WWOX: variants seen among roughly 807,000 people sequenced by gnomAD.
The protein encoded by WWOX is WW domain-containing oxidoreductase.
In WWOX, 69 loss-of-function variants were observed where a neutral mutation model predicts 46.2. The ratio of observed to expected loss-of-function variants is 1.49; its 90% CI spans 1.23 to 1.82. The LOEUF (loss-of-function observed/expected upper bound fraction) is 1.82, where lower values mean the gene tolerates loss of function less well. Among genes scored for constraint, WWOX ranks in the 40% most tolerant of loss-of-function variants. WWOX has a pLI of 0.00. For synonymous variants in WWOX, 359 were observed against 202.6 expected, an observed-to-expected ratio of 1.77 and a Z score of -6.56; for missense variants, 919 against 542.6, an observed-to-expected ratio of 1.69 and a Z score of -6.89.
At chr16:79,035,998 A>C (rs1415271308) in intron 8 of WWOX, among the ~76,000 whole-genome samples, 3 of 151,998 alleles carry the variant, frequency 2.0e-5, no homozygotes, top group Non-Finnish European at 4.4e-5. Context: ...TTGGCTTAAG[A>C]ATCTATCTTT....
chr16:78,724,360 C>T (rs1420901071), intron 8 of WWOX, among the ~76,000 whole-genome samples: 3 of 152,146 alleles, frequency 2.0e-5, no homozygotes, highest in Non-Finnish European at 4.4e-5. Flanking sequence ...TGACCTTTAG[C>T]AACAACTCCT....
At chr16:78,666,559 G>C in intron 8 of WWOX, among the ~76,000 whole-genome samples, 1 of 152,210 alleles carries the variant, frequency 6.6e-6, no homozygotes, top group East Asian at 1.9e-4. Context: ...TTTGATTGGG[G>C]TACTGCCTTA....
At chr16:79,161,967 C>T (rs2050495200) in intron 8 of WWOX, among the ~76,000 whole-genome samples, 1 of 152,242 alleles carries the variant, frequency 6.6e-6, no homozygotes, top group South Asian at 2.1e-4. Flanking sequence ...TCCACCTACA[C>T]AGAGTGTCTC....
At chr16:79,185,616 G>A (rs1337133121) in intron 8 of WWOX, among the ~76,000 whole-genome samples, 1 of 152,142 alleles carries the variant, frequency 6.6e-6, no homozygotes, top group Admixed American at 6.5e-5. Context: ...CACGGCTTGG[G>A]TTGTCAGGAT....
At chr16:78,790,653 C>G (rs1279582308) in intron 8 of WWOX, among the ~76,000 whole-genome samples, 1 of 152,126 alleles carries the variant, frequency 6.6e-6, no homozygotes, top group Non-Finnish European at 1.5e-5. Context: ...ATGCCTTGGA[C>G]ATGAAACACA....
chr16:78,357,052 G>A (rs1402058532), intron 5 of WWOX, among the ~76,000 whole-genome samples: 1 of 152,182 alleles, frequency 6.6e-6, no homozygotes, highest in Non-Finnish European at 1.5e-5. Flanking sequence ...ATACAGGGAT[G>A]GATTTCTAGA....
At position 78,125,062 on chromosome 16, in the gene WWOX, C is replaced by A. The variant is rs112137141; in HGVS notation, c.409+9908C>A. 9.5e-3 allele frequency among the ~76,000 whole-genome samples: 1,453 copies of A among 152,230 alleles called. 25 individuals carry two copies. Among genetic ancestry groups the A allele is most frequent in the African/African-American group, 0.033 (1,377 of 41,536 alleles). ...ACAGAAACTGAAGTTAAAGCTAATACAATGTTTTTCATTTTTACCCTTACC... is the reference window on the plus strand; with the variant it reads ...ACAGAAACTGAAGTTAAAGCTAATAAAATGTTTTTCATTTTTACCCTTACC... On this transcript the variant is annotated intron_variant, in intron 4 of 8. Transcript: ENST00000566780.
intron 8 of WWOX, among the ~76,000 whole-genome samples, chr16:78,531,625 T>C (rs1324819994): frequency 6.6e-6 from 1 of 152,074 alleles, no homozygotes; most frequent in African/African-American, 2.4e-5. Flanking sequence ...GGTGAATCAC[T>C]TGAGGTCAGG....
intron 8 of WWOX, among the ~76,000 whole-genome samples, chr16:78,718,092 G>GTTTTTTTTTTTTTTTT: frequency 5.7e-5 from 8 of 139,656 alleles, no homozygotes; most frequent in African/African-American, 1.7e-4. Context: ...GGTTCTGGTG[G>GTTTTTTTTTTTTTTTT]TTGTATTTTT....
At chr16:78,992,144 G>C (rs1056158941) in intron 8 of WWOX, among the ~76,000 whole-genome samples, 1 of 152,156 alleles carries the variant, frequency 6.6e-6, no homozygotes, top group Non-Finnish European at 1.5e-5. Context: ...TCCTGTCCTT[G>C]AGGCATTCAC....
chr16:78,994,459 C>G (rs959235094), intron 8 of WWOX: 1 of 152,192 alleles, frequency 6.6e-6, no homozygotes, highest in African/African-American at 2.4e-5. Context: ...GGAGCCCTGA[C>G]TGAAGTCACA....
intron 8 of WWOX, among the ~76,000 whole-genome samples, chr16:78,852,336 A>T (rs1483956670): frequency 6.6e-6 from 1 of 152,200 alleles, no homozygotes; most frequent in Non-Finnish European, 1.5e-5. Context: ...GCTAGGTGAC[A>T]AAATACATTT....
intron 8 of WWOX, among the ~76,000 whole-genome samples, chr16:78,780,984 C>T (rs778161904): frequency 6.6e-6 from 1 of 152,290 alleles, no homozygotes; most frequent in African/African-American, 2.4e-5. Context: ...AGCCTGCAGA[C>T]TGGTGTGGCC....
At chr16:78,665,937 G>C (rs1382304973) in intron 8 of WWOX, among the ~76,000 whole-genome samples, 1 of 151,828 alleles carries the variant, frequency 6.6e-6, no homozygotes, top group East Asian at 2.0e-4. Context: ...TGCCCACCTT[G>C]GCCTCCCAAA....
intron 8 of WWOX, among the ~76,000 whole-genome samples, chr16:78,875,818 C>A (rs532770864): frequency 1.3e-5 from 2 of 152,340 alleles, no homozygotes; most frequent in South Asian, 4.1e-4. Context: ...TATTGACTTA[C>A]AGGTTTCTAG....
chr16:79,148,868 A>C (rs1057324663), intron 8 of WWOX, among the ~76,000 whole-genome samples: 9 of 152,118 alleles, frequency 5.9e-5, no homozygotes, highest in African/African-American at 2.2e-4. Context: ...TCTTGATCCT[A>C]TGAGCTTGCT....
chr16:78,741,034 G>C (rs1414340646), intron 8 of WWOX, among the ~76,000 whole-genome samples: 1 of 152,174 alleles, frequency 6.6e-6, no homozygotes, highest in Non-Finnish European at 1.5e-5. Flanking sequence ...CACTGGGGCA[G>C]TGGCCAGCAA....
intron 8 of WWOX, among the ~76,000 whole-genome samples, chr16:79,051,635 A>G (rs2048169132): frequency 6.6e-6 from 1 of 152,220 alleles, no homozygotes; most frequent in South Asian, 2.1e-4. Flanking sequence ...AAATTTCTTT[A>G]GTGTTATCCT....
At chr16:78,855,344 T>G (rs1303144782) in intron 8 of WWOX, among the ~76,000 whole-genome samples, 1 of 152,166 alleles carries the variant, frequency 6.6e-6, no homozygotes, top group Non-Finnish European at 1.5e-5. Flanking sequence ...TGAGTGGGTG[T>G]CTAATTTAGT....
Sources: allele counts gnomAD v4.1 joint callset (sites outside exome capture counted in the v4.1 genomes callset), GRCh38; gene constraint gnomAD v4.1.1; transcripts MANE v1.5; gene names NCBI Gene and HGNC (gene_info 2026-07-23, HGNC 2026-07-21).